SSBP2: variants seen among roughly 807,000 people sequenced by gnomAD.
SSBP2 encodes single stranded DNA binding protein 2.
A neutral mutation model predicts 61.8 loss-of-function variants in SSBP2; 17 were observed. The observed-to-expected ratio is 0.28, with a 90% CI of 0.19 to 0.41. The LOEUF is 0.41. Among genes scored for constraint, SSBP2 ranks in the 10% least tolerant of loss-of-function variants. The pLI is 1.00. For missense variants in SSBP2, 310 were observed against 458.7 expected (o/e 0.68, Z 2.96); for synonymous variants, 139 against 141.3 (o/e 0.98, Z 0.12).
intron 9 of SSBP2, 102 bp from the exon 10 acceptor site, chr5:81,461,205 T>C: frequency 1.1e-6 from 1 of 879,344 alleles, no homozygotes; most frequent in Middle Eastern, 3.5e-4. Context: ...TCAGTTACTA[T>C]GCAGTTCTAG....
intron 1 of SSBP2, among the ~76,000 whole-genome samples, chr5:81,680,699 C>A (rs1752319533): frequency 6.6e-6 from 1 of 152,120 alleles, no homozygotes; most frequent in African/African-American, 2.4e-5. Context: ...AAAGGGGTCA[C>A]TACTCCAAGA....
chr5:81,749,347 C>T (rs1757561952), intron 1 of SSBP2, among the ~76,000 whole-genome samples: 1 of 152,122 alleles, frequency 6.6e-6, no homozygotes, highest in African/African-American at 2.4e-5. Flanking sequence ...AGGCCTGATA[C>T]CTCTAAATCC....
intron 4 of SSBP2, among the ~76,000 whole-genome samples, chr5:81,593,133 G>C (rs1464720011): frequency 6.6e-6 from 1 of 152,164 alleles, no homozygotes; most frequent in African/African-American, 2.4e-5. Context: ...AACCAATGCA[G>C]AGAAGTCCTT....
At chr5:81,430,297 T>C (rs1365714133) in intron 15 of SSBP2, among the ~76,000 whole-genome samples, 1 of 152,134 alleles carries the variant, frequency 6.6e-6, no homozygotes, top group Non-Finnish European at 1.5e-5. Context: ...AAATTGGTAA[T>C]ACTAGAATAA....
At chr5:81,548,898 G>C (rs1442374941) in intron 4 of SSBP2, among the ~76,000 whole-genome samples, 1 of 152,096 alleles carries the variant, frequency 6.6e-6, no homozygotes, top group Non-Finnish European at 1.5e-5. Flanking sequence ...CTCCAGCCTG[G>C]GCGACAGAGC....
chr5:81,736,516 G>A (rs977920004), intron 1 of SSBP2, among the ~76,000 whole-genome samples: 33 of 152,102 alleles, frequency 2.2e-4, no homozygotes, highest in African/African-American at 8.0e-4. Context: ...TTTTGGTCAA[G>A]TGGCTTTGAT....
chr5:81,667,784 CAATAT>C (rs767856062), intron 1 of SSBP2, among the ~76,000 whole-genome samples: 1 of 151,970 alleles, frequency 6.6e-6, no homozygotes, highest in African/African-American at 2.4e-5. Flanking sequence ...AAAGAAACAC[CAATAT>C]AATAACAAAA....
chr5:81,497,574 C>G (rs1767384762), intron 5 of SSBP2, among the ~76,000 whole-genome samples: 1 of 152,096 alleles, frequency 6.6e-6, no homozygotes, highest in South Asian at 2.1e-4. Context: ...ATCTGGTTGT[C>G]TAATGAGAAA....
rs139503977 is a variant in SSBP2 at position 81,452,873 on chromosome 5, C to T, written c.688-4048G>A. 7.2e-3 allele frequency among the ~76,000 whole-genome samples: 1,088 copies of T among 151,348 alleles called. 4 individuals are homozygous for T. Among genetic ancestry groups the T allele is most frequent in the Admixed American group, 0.012 (177 of 15,148 alleles). Reference sequence around the variant, plus strand: ...ACAGCTTCAACTGAATAAACTTCTACTTTGTGCTGGACAAGATACTTGATC... The same window carrying T: ...ACAGCTTCAACTGAATAAACTTCTATTTTGTGCTGGACAAGATACTTGATC... On this transcript the variant is annotated intron_variant, in intron 10 of 16. Transcript: ENST00000320672.
chr5:81,652,156 C>CAGGCCTGGTATGGAGA (rs1162373834), intron 1 of SSBP2, among the ~76,000 whole-genome samples: 3 of 152,176 alleles, frequency 2.0e-5, no homozygotes, highest in Non-Finnish European at 4.4e-5. Flanking sequence ...GGCACCATGA[C>CAGGCCTGGTATGGAGA]AGGCCTGGTA....
intron 14 of SSBP2, among the ~76,000 whole-genome samples, chr5:81,440,192 A>G (rs1762939675): frequency 6.8e-6 from 1 of 147,370 alleles, no homozygotes; most frequent in Non-Finnish European, 1.5e-5. Context: ...TCTAGAGACA[A>G]AACAACAACA....
chr5:81,587,464 G>T (rs1191456641), intron 4 of SSBP2, among the ~76,000 whole-genome samples: 2 of 152,176 alleles, frequency 1.3e-5, no homozygotes, highest in African/African-American at 2.4e-5. Flanking sequence ...GGGCACGGTG[G>T]TTCACGCGTG....
At chr5:81,462,579 T>G (rs557670651) in intron 9 of SSBP2, among the ~76,000 whole-genome samples, 1 of 152,292 alleles carries the variant, frequency 6.6e-6, no homozygotes, top group African/African-American at 2.4e-5. Flanking sequence ...TGGAAATTGT[T>G]GCCTCTCCAA....
At chr5:81,445,774 T>C (rs1049198422) in intron 12 of SSBP2, among the ~76,000 whole-genome samples, 1 of 152,146 alleles carries the variant, frequency 6.6e-6, no homozygotes, top group Non-Finnish European at 1.5e-5. Context: ...CAGTAAAACA[T>C]CATAATCAAA....
intron 6 of SSBP2, among the ~76,000 whole-genome samples, chr5:81,485,628 A>G (rs1252138921): frequency 6.6e-6 from 1 of 152,216 alleles, no homozygotes; most frequent in Admixed American, 6.5e-5. Flanking sequence ...ACCAATTAAT[A>G]TGAAAACTAA....
chr5:81,743,465 G>A (rs1188214523), intron 1 of SSBP2, among the ~76,000 whole-genome samples: 2 of 152,150 alleles, frequency 1.3e-5, no homozygotes, highest in East Asian at 3.9e-4. Flanking sequence ...ATGACTATTT[G>A]AAGTTGCCTA....
chr5:81,645,922 C>A (rs1749220250), intron 2 of SSBP2, among the ~76,000 whole-genome samples: 1 of 152,056 alleles, frequency 6.6e-6, no homozygotes, highest in African/African-American at 2.4e-5. Flanking sequence ...GTTTTTATTT[C>A]TATTGTTAGT....
intron 1 of SSBP2, among the ~76,000 whole-genome samples, chr5:81,661,559 TA>T (rs1750701555): frequency 6.6e-6 from 1 of 152,124 alleles, no homozygotes; most frequent in Non-Finnish European, 1.5e-5. Context: ...TGTCAAGTGA[TA>T]CCTCATTTTG....
At chr5:81,559,450 G>C (rs1051241626) in intron 4 of SSBP2, among the ~76,000 whole-genome samples, 1 of 151,672 alleles carries the variant, frequency 6.6e-6, no homozygotes, top group African/African-American at 2.4e-5. Context: ...AGCTATTTGG[G>C]AGGCTGAGGC....
Sources: gnomAD v4.1 joint callset for allele counts (sites outside exome capture counted in the v4.1 genomes callset) on GRCh38, gnomAD v4.1.1 for gene constraint, MANE v1.5 for transcripts, NCBI Gene and HGNC (gene_info 2026-07-23, HGNC 2026-07-21) for gene names.